The following AP3S1 variants were observed in gnomAD, a reference collection of about 807,000 sequenced individuals.
AP3S1 encodes AP-3 complex subunit sigma-1.
AP3S1 carries 12 observed loss-of-function variants against 21.3 expected under a neutral mutation model. That is an observed-to-expected ratio of 0.56 (90% CI 0.36 to 0.91). The LOEUF (loss-of-function observed/expected upper bound fraction) is 0.91. Ranked by LOEUF, AP3S1 falls within the 40% of genes least tolerant of loss-of-function variation. The pLI is 0.01. For missense variants in AP3S1, 116 were observed against 225.0 expected, an observed-to-expected ratio of 0.52 and a Z score of 3.10; for synonymous variants, 48 against 78.4, an observed-to-expected ratio of 0.61 and a Z score of 2.05.
chr5:115,877,250 A>G (rs58236192), intron 3 of AP3S1, among the ~76,000 whole-genome samples: 5,257 of 152,128 alleles, frequency 0.035, 332 homozygotes, highest in African/African-American at 0.12. Context: ...GGTTTGTTAC[A>G]TAGGTATACA....
intron 1 of AP3S1, among the ~76,000 whole-genome samples, chr5:115,864,829 G>A (rs1763490963): frequency 6.6e-6 from 1 of 152,202 alleles, no homozygotes; most frequent in South Asian, 2.1e-4. Flanking sequence ...AATGCCAGAT[G>A]ATAAGGAAGT....
intron 5 of AP3S1, chr5:115,904,211 G>A (rs1037346083): frequency 2.0e-5 from 3 of 152,156 alleles, no homozygotes; most frequent in Non-Finnish European, 4.4e-5. Flanking sequence ...AATTATTAGT[G>A]TTAAGCTCAG....
intron 5 of AP3S1, among the ~76,000 whole-genome samples, chr5:115,908,207 A>T (rs1353532129): frequency 1.3e-5 from 2 of 152,162 alleles, no homozygotes; most frequent in African/African-American, 4.8e-5. Context: ...CATATAGAGA[A>T]TACATAGTAG....
At chr5:115,894,140 G>T (rs989524605) in intron 3 of AP3S1, among the ~76,000 whole-genome samples, 4 of 152,240 alleles carry the variant, frequency 2.6e-5, no homozygotes, top group African/African-American at 9.6e-5. Flanking sequence ...CACATGGGAT[G>T]AAGTCTGGAA....
At chr5:115,912,686 G>A (rs1038593001) in intron 5 of AP3S1, among the ~76,000 whole-genome samples, 3 of 151,764 alleles carry the variant, frequency 2.0e-5, no homozygotes, top group African/African-American at 7.3e-5. Flanking sequence ...ATTTTTAATC[G>A]TTATATTTTT....
At chr5:115,881,980 CTTGA>C (rs1561503979) in intron 3 of AP3S1, among the ~76,000 whole-genome samples, 1 of 151,594 alleles carries the variant, frequency 6.6e-6, no homozygotes, top group African/African-American at 2.4e-5. Context: ...CTTTCTTCTG[CTTGA>C]TTGATTTGGC....
intron 3 of AP3S1, among the ~76,000 whole-genome samples, chr5:115,874,257 C>T (rs1748516345): frequency 1.3e-5 from 2 of 151,750 alleles, no homozygotes; most frequent in Non-Finnish European, 2.9e-5. Context: ...CTATGTATGC[C>T]ATATATGCTA....
intron 3 of AP3S1, among the ~76,000 whole-genome samples, chr5:115,883,201 AG>A (rs935608624): frequency 6.6e-6 from 1 of 152,040 alleles, no homozygotes; most frequent in Non-Finnish European, 1.5e-5. Flanking sequence ...CCCCCTTTCC[AG>A]GGGAGTGAAC....
chr5:115,849,551 C>T (rs963232688), intron 1 of AP3S1, among the ~76,000 whole-genome samples: 2 of 152,278 alleles, frequency 1.3e-5, no homozygotes, highest in South Asian at 2.1e-4. Flanking sequence ...CACCATGCCC[C>T]TTCTTGACAT....
chr5:115,906,773 T>C (rs549768842), intron 5 of AP3S1: 42 of 1,388,106 alleles, frequency 3.0e-5, no homozygotes, highest in Non-Finnish European at 3.5e-5. Context: ...CTCTTTTTTT[T>C]CCGAACATCC....
intron 3 of AP3S1, among the ~76,000 whole-genome samples, chr5:115,891,515 ATT>A (rs1750297949): frequency 6.6e-6 from 1 of 152,132 alleles, no homozygotes. Context: ...AGTTTGATTA[ATT>A]TCTCAGAGCA....
At chr5:115,910,936 C>T (rs1245441884) in intron 5 of AP3S1, among the ~76,000 whole-genome samples, 1 of 152,134 alleles carries the variant, frequency 6.6e-6, no homozygotes, top group Non-Finnish European at 1.5e-5. Flanking sequence ...ATTTGATCCT[C>T]CTAATTCATT....
intron 5 of AP3S1, among the ~76,000 whole-genome samples, chr5:115,911,856 T>C (rs943094074): frequency 6.6e-6 from 1 of 152,026 alleles, no homozygotes; most frequent in Non-Finnish European, 1.5e-5. Flanking sequence ...TCAATCACAT[T>C]TTTAGTTGTA....
intron 5 of AP3S1, among the ~76,000 whole-genome samples, chr5:115,906,227 T>G (rs1001924578): frequency 2.6e-5 from 4 of 152,200 alleles, no homozygotes; most frequent in Non-Finnish European, 5.9e-5. Context: ...GAACTGGTTA[T>G]CAATATTTTT....
intron 1 of AP3S1, among the ~76,000 whole-genome samples, chr5:115,845,073 A>C (rs1761959087): frequency 6.6e-6 from 1 of 152,214 alleles, no homozygotes; most frequent in African/African-American, 2.4e-5. Flanking sequence ...AGGTTTTAAG[A>C]ATCTCTGCCT....
At chr5:115,902,720 G>A (rs1481758371) in intron 4 of AP3S1, among the ~76,000 whole-genome samples, 165 bp from the exon 5 acceptor site, 1 of 152,052 alleles carries the variant, frequency 6.6e-6, no homozygotes, top group Non-Finnish European at 1.5e-5. Flanking sequence ...AACTGCCTAG[G>A]GCTTCACAGT....
intron 1 of AP3S1, among the ~76,000 whole-genome samples, 181 bp from the exon 2 acceptor site, chr5:115,866,488 TC>T (rs747736732): frequency 2.8e-4 from 42 of 152,180 alleles, no homozygotes; most frequent in Admixed American, 9.2e-4. Context: ...GGGTTTTTTT[TC>T]TTTTTCATCA....
At chr5:115,864,290 T>A (rs889078495) in intron 1 of AP3S1, among the ~76,000 whole-genome samples, 36 of 152,204 alleles carry the variant, frequency 2.4e-4, no homozygotes, top group Admixed American at 2.1e-3. Flanking sequence ...AATTCCTTGC[T>A]AGTAAGTGAC....
chr5:115,848,782 A>G (rs1208367387), intron 1 of AP3S1, among the ~76,000 whole-genome samples: 1 of 152,180 alleles, frequency 6.6e-6, no homozygotes, highest in African/African-American at 2.4e-5. Flanking sequence ...AGGCTAACTA[A>G]ACACATTTTT....
Sources: gnomAD v4.1 joint callset for allele counts (sites outside exome capture counted in the v4.1 genomes callset) on GRCh38, gnomAD v4.1.1 for gene constraint, MANE v1.5 for transcripts, NCBI Gene and HGNC (gene_info 2026-07-23, HGNC 2026-07-21) for gene names.